Variants in SASH1 observed in about 807,000 individuals in gnomAD.
The protein encoded by SASH1 is SAM and SH3 domain containing 1.
In SASH1, 44 loss-of-function variants were observed where a neutral mutation model predicts 125.2. The ratio of observed to expected loss-of-function variants is 0.35; its 90% confidence interval spans 0.28 to 0.45. The LOEUF (loss-of-function observed/expected upper bound fraction) is 0.45, where lower values mean the gene tolerates loss of function less well. SASH1 is among the 20% of genes least tolerant of loss of function. The pLI is 1.00. For synonymous variants in SASH1, 639 were observed against 649.1 expected, an observed-to-expected ratio of 0.98 and a Z score of 0.24; for missense variants, 1,426 against 1,614.5, an observed-to-expected ratio of 0.88 and a Z score of 2.00.
At chr6:148,323,857 T>A (rs1353993308) in intron 1 of SASH1, among the ~76,000 whole-genome samples, 1 of 151,994 alleles carries the variant, frequency 6.6e-6, no homozygotes, top group African/African-American at 2.4e-5. Flanking sequence ...CAGGGCGCAG[T>A]GGCTCATGCC....
chr6:148,473,985 C>T lies in SASH1; in HGVS notation c.515-125C>T, dbSNP rs114560575. ...TTGCCACCCTTTGCTTCATCAGTAA[C>T]GTTCAACATACATAGTGTCCTGAGC... On this transcript the variant is annotated intron_variant, in intron 6 of 19. Transcript: ENST00000367467. 1,683 of 623,340 alleles carry T rather than the reference C, an allele frequency of 2.7e-3. 29 individuals are homozygous for T. The African/African-American group carries it at 0.028, about 11-fold the overall frequency. 38.6% of individuals were successfully genotyped at this position (623,340 alleles called of 1,614,324 possible).
intron 8 of SASH1, among the ~76,000 whole-genome samples, chr6:148,490,857 T>C (rs1254744847): frequency 6.6e-6 from 1 of 152,190 alleles, no homozygotes. Context: ...CCACACCCAA[T>C]AGCCTATACA....
chr6:148,456,209 T>C (rs1196445587), intron 4 of SASH1, among the ~76,000 whole-genome samples: 1 of 152,078 alleles, frequency 6.6e-6, no homozygotes, highest in Non-Finnish European at 1.5e-5. Context: ...AGGCCGAGGC[T>C]GGTAAGGGCC....
chr6:148,472,980 C>T (rs531796892), intron 6 of SASH1, among the ~76,000 whole-genome samples: 32 of 152,256 alleles, frequency 2.1e-4, no homozygotes, highest in African/African-American at 6.3e-4. Flanking sequence ...CTTCCCCACA[C>T]GCTGACCAGA....
intron 4 of SASH1, among the ~76,000 whole-genome samples, chr6:148,448,388 T>G (rs1300175364): frequency 6.6e-6 from 1 of 152,156 alleles, no homozygotes; most frequent in African/African-American, 2.4e-5. Context: ...GAAGCCTGGC[T>G]CCTGTCTTCA....
At chr6:148,258,715 A>G in the SASH1 span, among the ~76,000 whole-genome samples, 1 of 152,210 alleles carries the variant, frequency 6.6e-6, no homozygotes, top group Middle Eastern at 3.2e-3. Context: ...CCAAAAGCAG[A>G]AAGCCTTCTC....
chr6:148,504,040 G>A (rs1326020199), intron 8 of SASH1, among the ~76,000 whole-genome samples: 1 of 152,226 alleles, frequency 6.6e-6, no homozygotes, highest in Non-Finnish European at 1.5e-5. Flanking sequence ...GACAGTTAGT[G>A]ATGGGCTAGG....
chr6:148,410,996 T>C (rs755322709), intron 2 of SASH1, among the ~76,000 whole-genome samples: 18 of 151,786 alleles, frequency 1.2e-4, no homozygotes, highest in Non-Finnish European at 2.2e-4. Context: ...CCTATCTCTA[T>C]TAAAAATACA....
At chr6:148,421,227 G>GAAAGA (rs1215052788) in intron 2 of SASH1, among the ~76,000 whole-genome samples, 5 of 151,540 alleles carry the variant, frequency 3.3e-5, no homozygotes, top group Non-Finnish European at 4.4e-5. Flanking sequence ...AAGAAAGAAA[G>GAAAGA]AAGGAAGTGA....
In SASH1 at chr6:148,548,354, G is replaced by C. The variant is rs773873107; in HGVS notation, c.3540G>C (p.Ser1180=). ...AGCCCGTCTCTCCTGGGTGCATTTC[G>C]TCTGTGTCAGATTGGCTCATTTCCA... is the stretch of plus-strand genomic sequence containing the variant. ...CRKPVSPGCI[S]SVSDWLISIG... Residue 1180 remains serine, a synonymous_variant, in exon 20 of 20, where the codon TCG becomes TCC. Transcript: ENST00000367467. The C allele has an allele frequency of 2.5e-6, 4 of 1,614,182 alleles. No individual in the cohort carries two copies. Among genetic ancestry groups the C allele is most frequent in the Non-Finnish European group, 3.4e-6 (4 of 1,180,030 alleles).
intron 7 of SASH1, chr6:148,478,783 A>T (rs1055879981): frequency 6.5e-6 from 1 of 154,362 alleles, no homozygotes; most frequent in African/African-American, 2.4e-5. Context: ...CATGCTGCTC[A>T]TCTCCTGCGC....
chr6:148,391,423 A>T (rs989992220), intron 2 of SASH1, among the ~76,000 whole-genome samples: 5 of 34,906 alleles, frequency 1.4e-4, no homozygotes, highest in Admixed American at 4.8e-4. Context: ...ACACTTTTAT[A>T]AAAAAAAAAA....
intron 2 of SASH1, among the ~76,000 whole-genome samples, chr6:148,410,617 C>A (rs1273971657): frequency 6.6e-6 from 1 of 152,142 alleles, no homozygotes; most frequent in Admixed American, 6.5e-5. Flanking sequence ...TTCCTGTAAG[C>A]CAATGAATCA....
At chr6:148,407,105 A>G (rs903342283) in intron 2 of SASH1, among the ~76,000 whole-genome samples, 5 of 152,244 alleles carry the variant, frequency 3.3e-5, no homozygotes, top group African/African-American at 1.2e-4. Flanking sequence ...AAAATTTACC[A>G]TCCTAACTGA....
At chr6:148,333,109 G>A (rs1181597405) in intron 1 of SASH1, among the ~76,000 whole-genome samples, 1 of 152,014 alleles carries the variant, frequency 6.6e-6, no homozygotes. Flanking sequence ...CATACCTATA[G>A]TCTGCAGGGG....
At chr6:148,360,451 G>A (rs569356971) in intron 1 of SASH1, among the ~76,000 whole-genome samples, 15 of 151,324 alleles carry the variant, frequency 9.9e-5, no homozygotes, top group South Asian at 4.2e-4. Flanking sequence ...GGGTTCAAGC[G>A]ATTCTCTCGC....
chr6:148,263,889 C>G, the SASH1 span, among the ~76,000 whole-genome samples: 1 of 152,056 alleles, frequency 6.6e-6, no homozygotes, highest in African/African-American at 2.4e-5. Context: ...TGAGCTGGTC[C>G]GGAGGAAATC....
chr6:148,419,812 A>G (rs1469845717), intron 2 of SASH1, among the ~76,000 whole-genome samples: 1 of 152,230 alleles, frequency 6.6e-6, no homozygotes, highest in Non-Finnish European at 1.5e-5. Context: ...AGTAATATGC[A>G]TAACCTTATA....
chr6:148,542,417 C>T (rs1466449438), intron 17 of SASH1, among the ~76,000 whole-genome samples: 1 of 152,012 alleles, frequency 6.6e-6, no homozygotes, highest in African/African-American at 2.4e-5. Flanking sequence ...GGCGGAGTCT[C>T]GCTCTGTCGC....
Sources: gnomAD v4.1 joint callset for allele counts (sites outside exome capture counted in the v4.1 genomes callset) on GRCh38, gnomAD v4.1.1 for gene constraint, MANE v1.5 for transcripts, NCBI Gene and HGNC (gene_info 2026-07-23, HGNC 2026-07-21) for gene names.